The following ADAMTS2 variants were observed in gnomAD, a reference collection of about 807,000 sequenced individuals.
ADAMTS2 encodes A disintegrin and metalloproteinase with thrombospondin motifs 2.
A neutral mutation model predicts 123.0 loss-of-function variants in ADAMTS2; 50 were observed. The ratio of observed to expected loss-of-function variants is 0.41; its 90% CI spans 0.32 to 0.51. The LOEUF (loss-of-function observed/expected upper bound fraction) is 0.51, where lower values mean the gene tolerates loss of function less well. Ranked by LOEUF, ADAMTS2 falls within the 20% of genes least tolerant of loss-of-function variation. The pLI is 0.35. For missense variants in ADAMTS2, 1,494 were observed against 1,705.2 expected, an observed-to-expected ratio of 0.88 and a Z score of 2.18; for synonymous variants, 678 against 695.4, an observed-to-expected ratio of 0.98 and a Z score of 0.39.
intron 2 of ADAMTS2, among the ~76,000 whole-genome samples, chr5:179,336,232 C>T (rs1757608517): frequency 6.6e-6 from 1 of 152,228 alleles, no homozygotes; most frequent in Non-Finnish European, 1.5e-5. Context: ...ACTGTCAACA[C>T]CCTGGACACT....
chr5:179,271,257 G>C (rs976889718), intron 3 of ADAMTS2, among the ~76,000 whole-genome samples: 3 of 152,174 alleles, frequency 2.0e-5, no homozygotes, highest in Non-Finnish European at 4.4e-5. Context: ...CCATGTTCAG[G>C]AAGACAAGCA....
chr5:179,195,894 C>T (rs1764418421), intron 4 of ADAMTS2, among the ~76,000 whole-genome samples: 3 of 152,220 alleles, frequency 2.0e-5, no homozygotes, highest in Admixed American at 1.3e-4. Flanking sequence ...ACTTAAGGGA[C>T]CCGTGTTTCG....
chr5:179,325,181 G>A (rs948744520), intron 2 of ADAMTS2, among the ~76,000 whole-genome samples: 7 of 152,210 alleles, frequency 4.6e-5, no homozygotes, highest in African/African-American at 1.7e-4. Context: ...CAGGCCCACA[G>A]GATGAACGGG....
At chr5:179,137,541 T>C (rs1252544695) in intron 12 of ADAMTS2, among the ~76,000 whole-genome samples, 1 of 152,246 alleles carries the variant, frequency 6.6e-6, no homozygotes, top group African/African-American at 2.4e-5. Flanking sequence ...TTCCATGTCC[T>C]CAGCTACTCT....
chr5:179,314,172 CGGCCAG>C lies in ADAMTS2; in HGVS notation c.534+29589_534+29594del, dbSNP rs1238873049. On this transcript the variant is annotated intron_variant, in intron 2 of 21. Transcript: ENST00000251582. The surrounding 1 kb of genome is among the most constrained non-coding windows in gnomAD (Gnocchi z 4.5). ...GGGCGCAGCCTGGGAGCACACAGAC[CGGCCAG>C]GGCCAGGGCCAGGACTGGCATTTCC... Among the ~76,000 whole-genome samples, 3 of 152,266 alleles carry C rather than the reference CGGCCAG, an allele frequency of 2.0e-5. No homozygotes were observed. Among genetic ancestry groups the C allele is most frequent in the East Asian group, 1.9e-4 (1 of 5,202 alleles).
chr5:179,286,432 G>A (rs1008501194), intron 2 of ADAMTS2, among the ~76,000 whole-genome samples: 5 of 152,092 alleles, frequency 3.3e-5, no homozygotes, highest in Admixed American at 1.3e-4. Flanking sequence ...GAGCCGGCAC[G>A]GTGGGTCTGT....
At chr5:179,122,474 C>G (rs1762779938) in intron 20 of ADAMTS2, among the ~76,000 whole-genome samples, 170 bp downstream of exon 20, 1 of 152,214 alleles carries the variant, frequency 6.6e-6, no homozygotes, top group Non-Finnish European at 1.5e-5. Flanking sequence ...CCATTTCCTG[C>G]CAGGCAAAGG....
intron 3 of ADAMTS2, among the ~76,000 whole-genome samples, chr5:179,267,985 T>C (rs999279858): frequency 6.6e-6 from 1 of 152,248 alleles, no homozygotes; most frequent in Admixed American, 6.5e-5. Flanking sequence ...AAGCCAGCTG[T>C]TGCCGACTCA....
chr5:179,328,020 A>C (rs1757359288), intron 2 of ADAMTS2, among the ~76,000 whole-genome samples: 1 of 151,952 alleles, frequency 6.6e-6, no homozygotes, highest in Non-Finnish European at 1.5e-5. Context: ...CAAGCGAGAG[A>C]TTTAGGTTTG....
chr5:179,145,401 C>T (rs922948857), intron 10 of ADAMTS2, among the ~76,000 whole-genome samples: 19 of 152,140 alleles, frequency 1.2e-4, no homozygotes, highest in African/African-American at 4.6e-4. Flanking sequence ...GACCCATGCA[C>T]GCAATACTTT....
chr5:179,239,035 T>G (rs1166215614), intron 3 of ADAMTS2, among the ~76,000 whole-genome samples: 1 of 152,108 alleles, frequency 6.6e-6, no homozygotes, highest in Non-Finnish European at 1.5e-5. Flanking sequence ...GAGAAGATGT[T>G]GTGAATATAA....
At chr5:179,173,242 A>G (rs569302499) in intron 5 of ADAMTS2, among the ~76,000 whole-genome samples, 1 of 150,554 alleles carries the variant, frequency 6.6e-6, no homozygotes, top group Non-Finnish European at 1.5e-5. Context: ...AATAATAATA[A>G]TAATAAAAAC....
Position 179,153,591 on chromosome 5 carries a change from G to T in ADAMTS2, c.1415C>A (p.Ala472Asp), listed in dbSNP as rs1188955409. ...CTGGGGCAGCGCCGGCCAGTCGTGG[G>T]CGAAGGGGTCATCCAGCAGGCAGTC... ...SYDCLLDDPF[A>D]HDWPALPQLP... Residue 472 changes from alanine (A) to aspartate (D), a missense_variant, in exon 9 of 22, where the codon GCC becomes GAC. Coordinates refer to ENST00000251582, the MANE Select transcript of ADAMTS2 (RefSeq NM_014244.5). The T allele has an allele frequency of 3.7e-6, 6 of 1,607,082 alleles. No homozygotes were observed. The highest frequency in any genetic ancestry group is 5.1e-6 in the Non-Finnish European group (6 of 1,179,744).
intron 3 of ADAMTS2, among the ~76,000 whole-genome samples, chr5:179,253,574 A>G (rs574060418): frequency 8.9e-4 from 135 of 151,846 alleles, no homozygotes; most frequent in Non-Finnish European, 1.6e-3. Flanking sequence ...GGAACCCGAG[A>G]GGCAGAGGCT....
intron 3 of ADAMTS2, among the ~76,000 whole-genome samples, chr5:179,268,028 C>G (rs756342566): frequency 4.6e-5 from 7 of 152,218 alleles, no homozygotes; most frequent in Non-Finnish European, 7.3e-5. Context: ...ATTCCTGGAG[C>G]CTTCTCAGTT....
rs1764157545 is a variant in ADAMTS2, at chr5:179,185,647, T to G, written c.892-4492A>C. 6.6e-6 allele frequency among the ~76,000 whole-genome samples: 1 copy of G among 151,990 alleles called. No homozygotes were observed. Among genetic ancestry groups the G allele is most frequent in the South Asian group, 2.1e-4 (1 of 4,828 alleles). On this transcript the variant is annotated intron_variant, in intron 4 of 21. Coordinates refer to ENST00000251582, the MANE Select transcript of ADAMTS2 (RefSeq NM_014244.5). This position sits in a 1 kb window ranked among gnomAD's most constrained non-coding sequence, Gnocchi z 5.9. ...ACTCCAAAAGCCCCGTCGCTGGGCA[T>G]GGAACTCCCTGGGATAGACCGTCAG...
rs1766726906 is a variant in ADAMTS2, at chr5:179,277,319, ACACCCCGAGACCAAAGGCTGACCC to A, written c.535-4279_535-4256del. On this transcript the variant is annotated intron_variant, in intron 2 of 21. Transcript: ENST00000251582. ...GCACCTGCCCCGAGACCAAAGGCTGACACCCCGAGACCAAAGGCTGACCCCCCTGAGACCAAAGGCTGACACCCC... is the reference window on the plus strand; with the variant it reads ...GCACCTGCCCCGAGACCAAAGGCTGACCCTGAGACCAAAGGCTGACACCCC... 3.8e-4 allele frequency among the ~76,000 whole-genome samples: 24 copies of A among 62,648 alleles called. 4 individuals are homozygous for A. Among genetic ancestry groups the A allele is most frequent in the African/African-American group, 1.7e-3 (14 of 8,360 alleles). 41.1% of individuals were successfully genotyped at this position (62,648 alleles called of 152,430 possible).
chr5:179,238,248 G>A (rs115808457), intron 3 of ADAMTS2, among the ~76,000 whole-genome samples: 252 of 152,332 alleles, frequency 1.7e-3, no homozygotes, highest in African/African-American at 5.7e-3. Flanking sequence ...CGTCTCTCCA[G>A]GGAGCTGAGT....
At chr5:179,264,799 G>A (rs1766319304) in intron 3 of ADAMTS2, among the ~76,000 whole-genome samples, 1 of 152,108 alleles carries the variant, frequency 6.6e-6, no homozygotes, top group South Asian at 2.1e-4. Context: ...GGAGATCTCA[G>A]CACCCAGGTT....
Sources: gnomAD v4.1 joint callset for allele counts (sites outside exome capture counted in the v4.1 genomes callset) on GRCh38, gnomAD v4.1.1 for gene constraint, Gnocchi (gnomAD v3.1) non-coding constraint, MANE v1.5 for transcripts, NCBI Gene and HGNC (gene_info 2026-07-23, HGNC 2026-07-21) for gene names.